The following RAB3C variants were observed in gnomAD, a reference collection of about 807,000 sequenced individuals.
RAB3C encodes the protein ras-related protein Rab-3C.
Under a neutral mutation model 26.4 loss-of-function variants are expected in RAB3C, and 17 were observed. The observed-to-expected ratio is 0.64, with a 90% CI of 0.44 to 0.97. The LOEUF (loss-of-function observed/expected upper bound fraction) is 0.97. Ranked by LOEUF, RAB3C falls within the 50% of genes least tolerant of loss-of-function variation. The pLI, the probability that RAB3C is intolerant of heterozygous loss-of-function variation, is 0.00. For synonymous variants in RAB3C, 91 were observed against 95.9 expected (o/e 0.95, Z 0.30); for missense variants, 242 against 281.9 (o/e 0.86, Z 1.01).
At chr5:58,584,294 G>T (rs1327258729) in intron 1 of RAB3C, among the ~76,000 whole-genome samples, 3 of 152,162 alleles carry the variant, frequency 2.0e-5, no homozygotes, top group Non-Finnish European at 4.4e-5. Context: ...TATGGGTTAT[G>T]TATATTAAGA....
chr5:58,787,922 A>G (rs1466490628), intron 3 of RAB3C, among the ~76,000 whole-genome samples: 1 of 152,130 alleles, frequency 6.6e-6, no homozygotes, highest in African/African-American at 2.4e-5. Context: ...GGGATTCCAA[A>G]CTAAACAGAC....
At chr5:58,668,676 G>A (rs1748048859) in intron 2 of RAB3C, among the ~76,000 whole-genome samples, 1 of 152,044 alleles carries the variant, frequency 6.6e-6, no homozygotes, top group Non-Finnish European at 1.5e-5. Context: ...ATTTAGAAAT[G>A]AAAATAATAT....
intron 2 of RAB3C, among the ~76,000 whole-genome samples, chr5:58,705,818 C>T (rs1343896424): frequency 6.6e-6 from 1 of 152,062 alleles, no homozygotes; most frequent in East Asian, 1.9e-4. Flanking sequence ...TAACTTGTTT[C>T]TGGAAATGAA....
In RAB3C at chr5:58,641,881, GT is replaced by G. The variant is rs373640100; in HGVS notation, c.252+24018del. Among the ~76,000 whole-genome samples the G allele has an allele frequency of 6.8e-3, 1,042 of 152,192 alleles. 19 individuals are homozygous for G. The highest frequency in any genetic ancestry group is 0.023 in the African/African-American group (972 of 41,522). On this transcript the variant is annotated intron_variant, in intron 2 of 4. Coordinates refer to ENST00000282878, the MANE Select transcript of RAB3C (RefSeq NM_138453.4). ...GTTTTAAAAAAGAGTTATTATTTATGTTTTTTTGTGTTGTAAAATTTCTGGA... is the reference window on the plus strand; with the variant it reads ...GTTTTAAAAAAGAGTTATTATTTATGTTTTTTGTGTTGTAAAATTTCTGGA...
chr5:58,857,757 A>G lies in RAB3C; in HGVS notation c.*6406A>G, dbSNP rs977445603. ...AAGAGGAACAAATCAGAATCATTAAATACTTTGTAATGCCATCATAAACTC... is the reference window on the plus strand; with the variant it reads ...AAGAGGAACAAATCAGAATCATTAAGTACTTTGTAATGCCATCATAAACTC... On this transcript the variant is annotated 3_prime_UTR_variant, in exon 5 of 5. Coordinates refer to ENST00000282878, the MANE Select transcript of RAB3C (RefSeq NM_138453.4). The G allele has an allele frequency of 1.2e-4, 19 of 152,198 alleles. No homozygotes were observed. Among genetic ancestry groups the G allele is most frequent in the African/African-American group, 4.6e-4 (19 of 41,454 alleles). 9.4% of individuals were successfully genotyped at this position (152,198 alleles called of 1,614,324 possible). A position where few individuals can be genotyped will look rare whatever the true frequency, so the allele number is the denominator to read the frequency against.
At chr5:58,822,776 G>A in intron 3 of RAB3C, 2 of 560,276 alleles carry the variant, frequency 3.6e-6, no homozygotes, top group South Asian at 3.0e-5. Context: ...AGGTGTGAAG[G>A]TTGGCCTGAC....
rs550171083 is a variant in RAB3C, at chr5:58,737,563, C to A, written c.371+11443C>A. Among the ~76,000 whole-genome samples the A allele has an allele frequency of 4.6e-5, 7 of 151,298 alleles. No individual in the cohort carries two copies. In the East Asian group the frequency reaches 1.4e-3, roughly 29 times the overall value. Reference sequence around the variant, plus strand: ...TTATATTCTCTGTGCCTAGAATAGTCCCTGGCATGTACTAGGTATTCCATA... The same window carrying A: ...TTATATTCTCTGTGCCTAGAATAGTACCTGGCATGTACTAGGTATTCCATA... On this transcript the variant is annotated intron_variant, in intron 3 of 4. Transcript: ENST00000282878.
intron 3 of RAB3C, among the ~76,000 whole-genome samples, chr5:58,736,829 G>A (rs923893481): frequency 6.6e-6 from 1 of 152,118 alleles, no homozygotes; most frequent in East Asian, 1.9e-4. Flanking sequence ...ATACACTGCT[G>A]CCACCTGGTT....
At chr5:58,823,611 A>C (rs1743399621) in intron 3 of RAB3C, 1 of 207,908 alleles carries the variant, frequency 4.8e-6, no homozygotes, top group Non-Finnish European at 1.0e-5. Context: ...AGTTAAAAAC[A>C]GCAGGTGGAA....
chr5:58,620,136 G>T (rs960976741), intron 2 of RAB3C, among the ~76,000 whole-genome samples: 1 of 151,684 alleles, frequency 6.6e-6, no homozygotes, highest in African/African-American at 2.4e-5. Context: ...TCATTCTAGG[G>T]CCTCCATTCT....
intron 3 of RAB3C, among the ~76,000 whole-genome samples, chr5:58,795,491 G>C (rs1026978017): frequency 1.3e-5 from 2 of 152,262 alleles, no homozygotes; most frequent in South Asian, 2.1e-4. Context: ...CTGGCCTGCT[G>C]TGTAACTTTC....
intron 3 of RAB3C, among the ~76,000 whole-genome samples, chr5:58,797,232 A>C (rs1405464302): frequency 6.6e-6 from 1 of 151,352 alleles, no homozygotes; most frequent in Non-Finnish European, 1.5e-5. Context: ...TTGGATACAT[A>C]AATATCCTCT....
At chr5:58,731,916 G>A (rs946549040) in intron 3 of RAB3C, among the ~76,000 whole-genome samples, 2 of 152,154 alleles carry the variant, frequency 1.3e-5, no homozygotes, top group Non-Finnish European at 2.9e-5. Flanking sequence ...GCTTTGGGCT[G>A]TGCCCATGTC....
intron 2 of RAB3C, among the ~76,000 whole-genome samples, chr5:58,708,616 G>C (rs1748999739): frequency 6.6e-6 from 1 of 152,134 alleles, no homozygotes; most frequent in South Asian, 2.1e-4. Context: ...TGTTTACAGG[G>C]TAAGAAAAAT....
chr5:58,819,531 C>T (rs1210979590), intron 3 of RAB3C, among the ~76,000 whole-genome samples: 1 of 152,168 alleles, frequency 6.6e-6, no homozygotes, highest in African/African-American at 2.4e-5. Context: ...AAAGAAATAT[C>T]AAGAACACAA....
At chr5:58,584,098 G>T (rs1307176460) in intron 1 of RAB3C, among the ~76,000 whole-genome samples, 1 of 152,198 alleles carries the variant, frequency 6.6e-6, no homozygotes, top group Non-Finnish European at 1.5e-5. Flanking sequence ...GGCATTTTAT[G>T]AGTGGGGTTG....
At chr5:58,746,263 ACTAGT>A (rs1229932321) in intron 3 of RAB3C, among the ~76,000 whole-genome samples, 1 of 152,186 alleles carries the variant, frequency 6.6e-6, no homozygotes, top group Non-Finnish European at 1.5e-5. Context: ...CCTCCCTGTA[ACTAGT>A]CTGTGAGGGA....
At chr5:58,760,762 T>C in intron 3 of RAB3C, among the ~76,000 whole-genome samples, 1 of 152,208 alleles carries the variant, frequency 6.6e-6, no homozygotes, top group East Asian at 1.9e-4. Context: ...TATGGTGCAC[T>C]TGAAAACAAC....
At chr5:58,761,982 T>C (rs1741805374) in intron 3 of RAB3C, among the ~76,000 whole-genome samples, 1 of 151,820 alleles carries the variant, frequency 6.6e-6, no homozygotes, top group Admixed American at 6.6e-5. Flanking sequence ...TTTGCTAGTA[T>C]GGCATTGACT....
Sources: gnomAD v4.1 joint callset for allele counts (sites outside exome capture counted in the v4.1 genomes callset) on GRCh38, gnomAD v4.1.1 for gene constraint, MANE v1.5 for transcripts, NCBI Gene and HGNC (gene_info 2026-07-23, HGNC 2026-07-21) for gene names.